The following UNC13C variants were observed in gnomAD, a reference collection of about 807,000 sequenced individuals.
The protein encoded by UNC13C is unc-13 homolog C.
UNC13C carries 174 observed loss-of-function variants against 245.4 expected under a neutral mutation model. The observed-to-expected ratio is 0.71, with a 90% CI of 0.63 to 0.80. UNC13C has a LOEUF of 0.80. Among genes scored for constraint, UNC13C ranks in the 30% least tolerant of loss-of-function variants. The pLI is 0.00. For synonymous variants in UNC13C, 992 were observed against 895.1 expected, an observed-to-expected ratio of 1.11 and a Z score of -1.93; for missense variants, 2,829 against 2,602.9, an observed-to-expected ratio of 1.09 and a Z score of -1.89.
intron 4 of UNC13C, among the ~76,000 whole-genome samples, chr15:54,227,739 C>A (rs1298341208): frequency 6.6e-6 from 1 of 152,218 alleles, no homozygotes; most frequent in Non-Finnish European, 1.5e-5. Context: ...CCATGTCCAG[C>A]ACCACAGCTA....
At chr15:53,958,426 A>G in the UNC13C span, among the ~76,000 whole-genome samples, 4 of 152,158 alleles carry the variant, frequency 2.6e-5, no homozygotes, top group African/African-American at 9.7e-5. Flanking sequence ...TTGCCTTTTT[A>G]CCTGGTCTTG....
rs1408257215 is a variant in UNC13C at position 54,627,396 on chromosome 15, A to G, written c.*283A>G. On this transcript the variant is annotated 3_prime_UTR_variant, in exon 33 of 33. Coordinates refer to ENST00000260323, the MANE Select transcript of UNC13C (RefSeq NM_001080534.3). Reference sequence around the variant, plus strand: ...ACCCATTTCACATTCATTAAACATAATTTTTAAAAACTAGTCTTTTGAGTT... The same window carrying G: ...ACCCATTTCACATTCATTAAACATAGTTTTTAAAAACTAGTCTTTTGAGTT... 1 of 238,330 alleles carries G rather than the reference A, an allele frequency of 4.2e-6. No homozygotes were observed. Among genetic ancestry groups the G allele is most frequent in the Non-Finnish European group, 8.2e-6 (1 of 122,690 alleles). The allele number at this position is 238,330 out of a possible 1,614,324, so 14.8% of individuals were successfully genotyped here.
At chr15:54,420,619 C>T (rs2040620904) in intron 19 of UNC13C, among the ~76,000 whole-genome samples, 1 of 151,726 alleles carries the variant, frequency 6.6e-6, no homozygotes, top group Admixed American at 6.6e-5. Flanking sequence ...TTAGCATATT[C>T]TTATTTTAGG....
chr15:53,908,736 AATGAGAACCTTTCTCC>A, the UNC13C span, among the ~76,000 whole-genome samples: 4,787 of 109,510 alleles, frequency 0.044, 511 homozygotes, highest in African/African-American at 0.15. Context: ...TGGGTGACAG[AATGAGAACCTTTCTCC>A]AAAAAAAAAA....
At chr15:54,429,220 A>T (rs191105087) in intron 19 of UNC13C, among the ~76,000 whole-genome samples, 3 of 151,856 alleles carry the variant, frequency 2.0e-5, no homozygotes, top group Admixed American at 6.6e-5. Context: ...TAAATGGGTA[A>T]ACTTTATGAT....
At chr15:54,412,270 C>T (rs1487368756) in intron 18 of UNC13C, among the ~76,000 whole-genome samples, 1 of 151,956 alleles carries the variant, frequency 6.6e-6, no homozygotes, top group Non-Finnish European at 1.5e-5. Flanking sequence ...TTAATTGACT[C>T]ACAGTTCCAC....
chr15:53,889,248 C>T, the UNC13C span, among the ~76,000 whole-genome samples: 1 of 152,090 alleles, frequency 6.6e-6, no homozygotes, highest in Non-Finnish European at 1.5e-5. Flanking sequence ...TTGTGGTTCT[C>T]CTTGAAGAGG....
At chr15:53,915,331 CT>C in the UNC13C span, among the ~76,000 whole-genome samples, 3 of 152,162 alleles carry the variant, frequency 2.0e-5, no homozygotes, top group East Asian at 5.8e-4. Context: ...AAAAGAGAAT[CT>C]TTTAAATGAA....
intron 13 of UNC13C, among the ~76,000 whole-genome samples, chr15:54,303,124 T>C (rs979448472): frequency 1.3e-5 from 2 of 152,170 alleles, no homozygotes; most frequent in Non-Finnish European, 2.9e-5. Context: ...CCCTGACTAA[T>C]GGTCATCATC....
chr15:54,512,165 C>G (rs1894772134), intron 24 of UNC13C, among the ~76,000 whole-genome samples: 1 of 152,086 alleles, frequency 6.6e-6, no homozygotes, highest in Non-Finnish European at 1.5e-5. Context: ...TTTTCACTGT[C>G]TTGTACAATG....
At chr15:54,471,485 G>A (rs1892458602) in intron 19 of UNC13C, among the ~76,000 whole-genome samples, 1 of 151,446 alleles carries the variant, frequency 6.6e-6, no homozygotes, top group Admixed American at 6.6e-5. Flanking sequence ...CCTAAAGTCT[G>A]TTTTGTCTGA....
intron 19 of UNC13C, among the ~76,000 whole-genome samples, chr15:54,473,392 A>G (rs964316587): frequency 6.6e-6 from 1 of 151,920 alleles, no homozygotes; most frequent in Admixed American, 6.6e-5. Flanking sequence ...TTTGAAATAT[A>G]CATTGAATTA....
intron 4 of UNC13C, among the ~76,000 whole-genome samples, chr15:54,197,758 C>G (rs572251212): frequency 1.3e-5 from 2 of 152,224 alleles, no homozygotes; most frequent in African/African-American, 4.8e-5. Flanking sequence ...TATGTGAATA[C>G]TCACATCATG....
At chr15:54,061,819 A>T (rs1489535316) in intron 2 of UNC13C, among the ~76,000 whole-genome samples, 1 of 152,176 alleles carries the variant, frequency 6.6e-6, no homozygotes, top group African/African-American at 2.4e-5. Flanking sequence ...AGGAAAAGGG[A>T]GAAGATTGAA....
intron 26 of UNC13C, among the ~76,000 whole-genome samples, chr15:54,534,380 T>C (rs1895896969): frequency 6.6e-6 from 1 of 151,900 alleles, no homozygotes; most frequent in Non-Finnish European, 1.5e-5. Context: ...TATACCACAG[T>C]CAAATCCTCA....
intron 1 of UNC13C, among the ~76,000 whole-genome samples, chr15:53,997,772 T>A (rs1465066860): frequency 6.6e-6 from 1 of 152,102 alleles, no homozygotes; most frequent in Admixed American, 6.6e-5. Flanking sequence ...TTAGGTAGTG[T>A]TAATCCTCCA....
intron 10 of UNC13C, among the ~76,000 whole-genome samples, chr15:54,281,560 A>G (rs2036998109): frequency 6.6e-6 from 1 of 152,122 alleles, no homozygotes; most frequent in African/African-American, 2.4e-5. Context: ...TTTTCTGGTA[A>G]TTTACAGAAT....
intron 19 of UNC13C, among the ~76,000 whole-genome samples, chr15:54,478,672 G>C (rs1370475139): frequency 1.3e-5 from 2 of 151,678 alleles, no homozygotes; most frequent in African/African-American, 2.4e-5. Context: ...TGTGGTCTGA[G>C]AGACAGTTTG....
At chr15:54,304,838 A>G (rs889113651) in intron 13 of UNC13C, among the ~76,000 whole-genome samples, 12 of 152,044 alleles carry the variant, frequency 7.9e-5, no homozygotes, top group African/African-American at 2.9e-4. Flanking sequence ...TACTACCAAC[A>G]TAGATACAAT....
Sources: allele counts gnomAD v4.1 joint callset (sites outside exome capture counted in the v4.1 genomes callset), GRCh38; gene constraint gnomAD v4.1.1; transcripts MANE v1.5; gene names NCBI Gene and HGNC (gene_info 2026-07-23, HGNC 2026-07-21).